Variants in TMEM38B observed in about 807,000 individuals in gnomAD.
The protein encoded by TMEM38B is transmembrane protein 38B.
A neutral mutation model predicts 28.7 loss-of-function variants in TMEM38B; 24 were observed. The observed-to-expected ratio is 0.84, with a 90% CI of 0.61 to 1.18. TMEM38B has a LOEUF of 1.18. Among genes scored for constraint, TMEM38B ranks in the 50% most tolerant of loss-of-function variants. The pLI is 0.00. For synonymous variants in TMEM38B, 131 were observed against 127.7 expected, an observed-to-expected ratio of 1.03 and a Z score of -0.17; for missense variants, 380 against 350.9, an observed-to-expected ratio of 1.08 and a Z score of -0.66.
chr9:105,744,195 CAAGAAAAATATAAACAATAG>C (rs1274230946), intron 4 of TMEM38B, among the ~76,000 whole-genome samples: 12 of 151,576 alleles, frequency 7.9e-5, no homozygotes, highest in African/African-American at 2.9e-4. Context: ...CATAAATTAA[CAAGAAAAATATAAACAATAG>C]AAGAATGGAT....
At chr9:105,761,697 C>T (rs1014982112) in intron 5 of TMEM38B, among the ~76,000 whole-genome samples, 4 of 152,122 alleles carry the variant, frequency 2.6e-5, no homozygotes, top group African/African-American at 9.7e-5. Flanking sequence ...CAAATTGGTG[C>T]ACATTAGACT....
intron 4 of TMEM38B, among the ~76,000 whole-genome samples, chr9:105,741,246 A>G (rs1002103126): frequency 6.6e-6 from 1 of 152,214 alleles, no homozygotes; most frequent in African/African-American, 2.4e-5. Context: ...TGAGCTTGTT[A>G]TAATTTATTA....
chr9:105,710,210 C>T (rs1381246289), intron 2 of TMEM38B: 1 of 490,198 alleles, frequency 2.0e-6, no homozygotes, highest in Non-Finnish European at 3.8e-6. Context: ...AACTGCCCTT[C>T]TTTGGTTCTT....
At chr9:105,760,231 G>T (rs1199840905) in intron 5 of TMEM38B, 1 of 853,956 alleles carries the variant, frequency 1.2e-6, no homozygotes. Context: ...ACTTCATGAT[G>T]CAATGGGCAT....
intron 4 of TMEM38B, among the ~76,000 whole-genome samples, chr9:105,728,732 C>T (rs1429959664): frequency 6.6e-6 from 1 of 152,200 alleles, no homozygotes; most frequent in African/African-American, 2.4e-5. Flanking sequence ...ACATCCTCTC[C>T]AGCATCTGTT....
rs1328575933 is a variant in TMEM38B, at chr9:105,775,379, T to C, written c.*1299T>C. The C allele has an allele frequency of 6.6e-6, 1 of 152,150 alleles. No individual in the cohort carries two copies. The highest frequency in any genetic ancestry group is 1.5e-5 in the Non-Finnish European group (1 of 67,992). The allele number at this position is 152,150 out of a possible 1,614,324, so 9.4% of individuals were successfully genotyped here. A position where few individuals can be genotyped will look rare whatever the true frequency, so the allele number is the denominator to read the frequency against. ...ATGATTTAGAAGTCCAGTTATAATA[T>C]TAAAACTCTGTGACATAGTTTCTTT... On this transcript the variant is annotated 3_prime_UTR_variant, in exon 6 of 6. Transcript: ENST00000374692.
At chr9:105,729,019 G>A (rs1258986064) in intron 4 of TMEM38B, among the ~76,000 whole-genome samples, 11 of 151,924 alleles carry the variant, frequency 7.2e-5, no homozygotes, top group African/African-American at 1.9e-4. Context: ...ATTTTCTCCC[G>A]TTCTGTAGGT....
At chr9:105,707,571 T>C (rs895653943) in intron 2 of TMEM38B, among the ~76,000 whole-genome samples, 2 of 152,180 alleles carry the variant, frequency 1.3e-5, no homozygotes, top group South Asian at 2.1e-4. Flanking sequence ...ATAGTAGCAA[T>C]GGGAAAAAGT....
chr9:105,731,723 T>C (rs1271975400), intron 4 of TMEM38B, among the ~76,000 whole-genome samples: 9 of 152,210 alleles, frequency 5.9e-5, no homozygotes, highest in Admixed American at 5.9e-4. Context: ...ATATTTGGGT[T>C]GGTTCCAAGT....
At chr9:105,696,928 T>C (rs917516836) in intron 1 of TMEM38B, among the ~76,000 whole-genome samples, 1 of 152,248 alleles carries the variant, frequency 6.6e-6, no homozygotes, top group African/African-American at 2.4e-5. Flanking sequence ...ACATGGCGGA[T>C]GTTGGAGTTG....
At chr9:105,698,676 G>A (rs548011621) in intron 1 of TMEM38B, among the ~76,000 whole-genome samples, 10 of 152,176 alleles carry the variant, frequency 6.6e-5, no homozygotes, top group East Asian at 1.9e-4. Flanking sequence ...ATAGAAATGA[G>A]CCTATTAGGT....
At chr9:105,764,658 C>T (rs1223798598) in intron 5 of TMEM38B, among the ~76,000 whole-genome samples, 1 of 151,286 alleles carries the variant, frequency 6.6e-6, no homozygotes, top group Non-Finnish European at 1.5e-5. Context: ...CCATACTGCC[C>T]AAGGTAATTT....
At chr9:105,698,483 T>A (rs917837217) in intron 1 of TMEM38B, among the ~76,000 whole-genome samples, 1 of 152,092 alleles carries the variant, frequency 6.6e-6, no homozygotes, top group African/African-American at 2.4e-5. Context: ...TTTCAAAATC[T>A]ATTGAGATCA....
chr9:105,750,080 CTG>C (rs1837592149), intron 5 of TMEM38B, among the ~76,000 whole-genome samples: 1 of 152,118 alleles, frequency 6.6e-6, no homozygotes, highest in Non-Finnish European at 1.5e-5. Flanking sequence ...TGGCATCTCA[CTG>C]TGGTTTTGAT....
intron 5 of TMEM38B, among the ~76,000 whole-genome samples, chr9:105,756,500 T>TA (rs1837836177): frequency 6.6e-6 from 1 of 152,236 alleles, no homozygotes; most frequent in African/African-American, 2.4e-5. Flanking sequence ...TTTGAGTTTC[T>TA]AACTTTAATC....
chr9:105,733,534 A>G (rs1836854816), intron 4 of TMEM38B, among the ~76,000 whole-genome samples: 1 of 151,248 alleles, frequency 6.6e-6, no homozygotes, highest in Admixed American at 6.6e-5. Context: ...AGAGTTTAAG[A>G]AATATTGGTA....
At chr9:105,708,692 T>C (rs912697462) in intron 2 of TMEM38B, among the ~76,000 whole-genome samples, 9 of 152,280 alleles carry the variant, frequency 5.9e-5, no homozygotes, top group Non-Finnish European at 1.0e-4. Context: ...CTTTGTACTT[T>C]CTTTCTTCTC....
intron 1 of TMEM38B, among the ~76,000 whole-genome samples, chr9:105,703,353 C>T (rs1465790477): frequency 1.3e-5 from 2 of 152,180 alleles, no homozygotes; most frequent in Non-Finnish European, 2.9e-5. Flanking sequence ...CAATTTCATC[C>T]ATGTCTCTAC....
intron 5 of TMEM38B, among the ~76,000 whole-genome samples, chr9:105,758,006 G>A (rs562978570): frequency 1.6e-4 from 24 of 152,318 alleles, no homozygotes; most frequent in South Asian, 1.4e-3. Flanking sequence ...ATGGTACGGG[G>A]CACAACTTTA....
Sources: allele counts gnomAD v4.1 joint callset (sites outside exome capture counted in the v4.1 genomes callset), GRCh38; gene constraint gnomAD v4.1.1; transcripts MANE v1.5; gene names NCBI Gene and HGNC (gene_info 2026-07-23, HGNC 2026-07-21).